The following FUT9 variants were observed in gnomAD, a reference collection of about 807,000 sequenced individuals.
FUT9 encodes the protein fucosyltransferase 9, also known as 4-galactosyl-N-acetylglucosaminide 3-alpha-L-fucosyltransferase 9.
A neutral mutation model predicts 29.7 loss-of-function variants in FUT9; 15 were observed. The ratio of observed to expected loss-of-function variants is 0.51; its 90% CI spans 0.34 to 0.78. The LOEUF is 0.78. Among genes scored for constraint, FUT9 ranks in the 30% least tolerant of loss-of-function variants. The pLI, the probability that FUT9 is intolerant of heterozygous loss-of-function variation, is 0.01. For synonymous variants in FUT9, 169 were observed against 153.7 expected (o/e 1.10, Z -0.74); for missense variants, 319 against 425.4 (o/e 0.75, Z 2.20).
At chr6:96,196,896 A>G (rs1773637533) in intron 2 of FUT9, among the ~76,000 whole-genome samples, 1 of 152,062 alleles carries the variant, frequency 6.6e-6, no homozygotes, top group South Asian at 2.1e-4. Context: ...CAGTTCTTAC[A>G]CGGAAAGATG....
rs909386959 is a variant in FUT9 at position 96,210,445 on chromosome 6, C to T, written c.*6210C>T. On this transcript the variant is annotated 3_prime_UTR_variant, in exon 3 of 3. Coordinates refer to ENST00000302103, the MANE Select transcript of FUT9 (RefSeq NM_006581.4). ...GCTTTAAAATTGCAGATGTCCAAAC[C>T]CCACCTCCAGAGAGCTGATCTATTT... 8 of 166,696 alleles carry T rather than the reference C, an allele frequency of 4.8e-5. No individual in the cohort carries two copies. In the Admixed American group the frequency reaches 5.3e-4, roughly 11 times the overall value. 10.3% of individuals were successfully genotyped at this position (166,696 alleles called of 1,614,324 possible).
At chr6:96,058,636 A>G (rs1770819239) in intron 1 of FUT9, among the ~76,000 whole-genome samples, 1 of 152,162 alleles carries the variant, frequency 6.6e-6, no homozygotes, top group South Asian at 2.1e-4. Context: ...GAACCAAATA[A>G]TAAATTTATA....
At chr6:96,181,061 T>C (rs958230644) in intron 2 of FUT9, among the ~76,000 whole-genome samples, 3 of 152,018 alleles carry the variant, frequency 2.0e-5, no homozygotes, top group African/African-American at 7.2e-5. Context: ...GATAAGGAAA[T>C]AGATCTATAC....
chr6:96,168,371 T>C (rs1416140504), intron 2 of FUT9, among the ~76,000 whole-genome samples: 2 of 152,092 alleles, frequency 1.3e-5, no homozygotes, highest in Admixed American at 6.5e-5. Flanking sequence ...CACCTGAACC[T>C]TGACTGATAA....
rs571515309 is a variant in FUT9 at position 96,055,565 on chromosome 6, T to C, written c.-98+39353T>C. 8.5e-5 allele frequency among the ~76,000 whole-genome samples: 13 copies of C among 152,122 alleles called. No homozygotes were observed. The South Asian group carries it at 2.5e-3, about 29-fold the overall frequency. ...TAACTTTATTGTTCAAGGGTAAATG[T>C]GCAGGCTTGTTACCTAGGTAAACAT... On this transcript the variant is annotated intron_variant, in intron 1 of 2. Transcript: ENST00000302103.
At chr6:96,100,582 G>A (rs10747286) in intron 1 of FUT9, among the ~76,000 whole-genome samples, 138,039 of 152,220 alleles carry the variant, frequency 0.91, 63,795 homozygotes, top group East Asian at 1. Flanking sequence ...GAACTCTGGA[G>A]ATAGCTAAAG....
intron 1 of FUT9, among the ~76,000 whole-genome samples, chr6:96,087,617 G>A (rs753339730): frequency 5.3e-5 from 8 of 151,774 alleles, no homozygotes; most frequent in Non-Finnish European, 7.4e-5. Context: ...CGCCCACCTC[G>A]GCCTCCCAAA....
At chr6:96,147,938 AG>A (rs1772603975) in intron 2 of FUT9, among the ~76,000 whole-genome samples, 1 of 151,794 alleles carries the variant, frequency 6.6e-6, no homozygotes, top group African/African-American at 2.4e-5. Flanking sequence ...TCAGAGATAA[AG>A]GTAAAAGAAC....
intron 1 of FUT9, among the ~76,000 whole-genome samples, chr6:96,064,310 G>A (rs146276895): frequency 4.6e-4 from 70 of 152,260 alleles, no homozygotes; most frequent in Non-Finnish European, 6.3e-4. Context: ...GGGTCTCCCT[G>A]CTGAGAAGGA....
rs1773909310 is a variant in FUT9 at position 96,210,156 on chromosome 6, C to T, written c.*5921C>T. On this transcript the variant is annotated 3_prime_UTR_variant, in exon 3 of 3. Coordinates refer to ENST00000302103, the MANE Select transcript of FUT9 (RefSeq NM_006581.4). ...CCTGCTAGTTTTGAGGTTTTCATCC[C>T]ACCTGTTTAGATGGGTAGTATTCTA... is the stretch of plus-strand genomic sequence containing the variant. The T allele has an allele frequency of 6.0e-6, 1 of 166,880 alleles. No homozygotes were observed. Among genetic ancestry groups the T allele is most frequent in the African/African-American group, 2.4e-5 (1 of 41,412 alleles). The allele number at this position is 166,880 out of a possible 1,614,324, so 10.3% of individuals were successfully genotyped here.
intron 1 of FUT9, among the ~76,000 whole-genome samples, chr6:96,093,221 T>C (rs1771441376): frequency 6.6e-6 from 1 of 152,172 alleles, no homozygotes; most frequent in Non-Finnish European, 1.5e-5. Flanking sequence ...CCTAGTACCT[T>C]GCACAGTTCT....
chr6:96,185,628 C>G (rs1044753458), intron 2 of FUT9, among the ~76,000 whole-genome samples: 2 of 152,070 alleles, frequency 1.3e-5, no homozygotes, highest in Admixed American at 1.3e-4. Context: ...AATGAGGTAA[C>G]TTTACCCATT....
chr6:96,207,716 A>G lies in FUT9; in HGVS notation c.*3481A>G, dbSNP rs1211352923. The G allele has an allele frequency of 1.8e-5, 3 of 167,034 alleles. No individual in the cohort carries two copies. Among genetic ancestry groups the G allele is most frequent in the African/African-American group, 4.8e-5 (2 of 41,472 alleles). The allele number at this position is 167,034 out of a possible 1,614,324, so 10.3% of individuals were successfully genotyped here. ...GCCTAGAATTAAATTGTGGACACAA[A>G]AAAGGGAACAGACCATTTAAAATGT... is the stretch of plus-strand genomic sequence containing the variant. On this transcript the variant is annotated 3_prime_UTR_variant, in exon 3 of 3. Transcript: ENST00000302103.
Position 96,203,536 on chromosome 6 carries a change from C to A in FUT9, c.381C>A (p.Pro127=), listed in dbSNP as rs755043633. 3 of 1,613,800 alleles carry A rather than the reference C, an allele frequency of 1.9e-6. No individual in the cohort carries two copies. The highest frequency in any genetic ancestry group is 2.5e-6 in the Non-Finnish European group (3 of 1,179,934). Residue 127 remains proline (P), a synonymous_variant, in exon 3 of 3, where the codon CCC becomes CCA. Transcript: ENST00000302103. ...LTNLPQQARP[P]FQKWIWMNLE... ...ATTTACCTCAGCAAGCTAGGCCACC[C>A]TTCCAGAAATGGATTTGGATGAATT...
intron 1 of FUT9, among the ~76,000 whole-genome samples, chr6:96,088,077 C>G (rs190345003): frequency 1.3e-5 from 2 of 151,774 alleles, no homozygotes; most frequent in Non-Finnish European, 2.9e-5. Context: ...TCATTCTTAT[C>G]TTTATTTCCT....
intron 2 of FUT9, among the ~76,000 whole-genome samples, chr6:96,135,223 A>G (rs1772324863): frequency 6.6e-6 from 1 of 152,112 alleles, no homozygotes; most frequent in East Asian, 1.9e-4. Flanking sequence ...GTATAATCAA[A>G]TGTTAGTATA....
At chr6:96,081,033 T>C (rs1161738076) in intron 1 of FUT9, among the ~76,000 whole-genome samples, 1 of 151,862 alleles carries the variant, frequency 6.6e-6, no homozygotes, top group Non-Finnish European at 1.5e-5. Context: ...ACACCAAAAA[T>C]TGTTTGAAAT....
chr6:96,145,676 A>C (rs1321576947), intron 2 of FUT9, among the ~76,000 whole-genome samples: 1 of 152,078 alleles, frequency 6.6e-6, no homozygotes, highest in Non-Finnish European at 1.5e-5. Flanking sequence ...GACCATGCTG[A>C]TATCTTAAGA....
At chr6:96,093,517 C>T (rs943949280) in intron 1 of FUT9, among the ~76,000 whole-genome samples, 5 of 151,888 alleles carry the variant, frequency 3.3e-5, no homozygotes, top group Admixed American at 6.6e-5. Flanking sequence ...CTAATCTTGG[C>T]AATATATATC....
Sources: gnomAD v4.1 joint callset for allele counts (sites outside exome capture counted in the v4.1 genomes callset) on GRCh38, gnomAD v4.1.1 for gene constraint, MANE v1.5 for transcripts, NCBI Gene and HGNC (gene_info 2026-07-23, HGNC 2026-07-21) for gene names.